Variants in FTO observed in about 807,000 individuals in gnomAD.
FTO encodes alpha-ketoglutarate-dependent dioxygenase FTO.
Under a neutral mutation model 63.9 loss-of-function variants are expected in FTO, and 47 were observed. That is an observed-to-expected ratio of 0.74 (90% CI 0.58 to 0.94). FTO has a LOEUF of 0.94. Among genes scored for constraint, FTO ranks in the 40% least tolerant of loss-of-function variants. The pLI is 0.00. For synonymous variants in FTO, 207 were observed against 224.4 expected, an observed-to-expected ratio of 0.92 and a Z score of 0.69; for missense variants, 562 against 618.1, an observed-to-expected ratio of 0.91 and a Z score of 0.96.
intron 8 of FTO, among the ~76,000 whole-genome samples, chr16:54,037,129 A>G (rs1236611513): frequency 2.0e-5 from 3 of 152,180 alleles, no homozygotes; most frequent in African/African-American, 7.2e-5. Flanking sequence ...TTAGGATCTC[A>G]ATTCCAGATT....
At chr16:53,910,487 A>G (rs1270153538) in intron 7 of FTO, among the ~76,000 whole-genome samples, 1 of 152,148 alleles carries the variant, frequency 6.6e-6, no homozygotes, top group Non-Finnish European at 1.5e-5. Flanking sequence ...TGAGGTTCTG[A>G]ACCAGGGCAA....
intron 8 of FTO, chr16:54,071,685 T>C (rs1432301328): frequency 2.0e-5 from 3 of 152,146 alleles, no homozygotes; most frequent in Non-Finnish European, 2.9e-5. Context: ...ATCCTGGACA[T>C]TGATTTTTGA....
At chr16:54,053,320 C>T (rs370724098) in intron 8 of FTO, among the ~76,000 whole-genome samples, 56 of 152,284 alleles carry the variant, frequency 3.7e-4, no homozygotes, top group African/African-American at 1.3e-3. Context: ...TCTCCATGCC[C>T]GCTCCATGTC....
chr16:54,074,919 T>A (rs3956315), intron 8 of FTO, among the ~76,000 whole-genome samples: 14,722 of 94,756 alleles, frequency 0.16, 807 homozygotes, highest in Non-Finnish European at 0.24. Flanking sequence ...AGAGAGAGAG[T>A]GTGTGTGTGT....
chr16:54,063,366 A>G (rs1599301512), intron 8 of FTO, among the ~76,000 whole-genome samples: 1 of 152,198 alleles, frequency 6.6e-6, no homozygotes, highest in South Asian at 2.1e-4. Context: ...CTTTTCGTCA[A>G]TGAAAGAAAT....
intron 8 of FTO, chr16:53,992,581 A>T (rs1400484936): frequency 6.6e-6 from 1 of 152,000 alleles, no homozygotes; most frequent in Non-Finnish European, 1.5e-5. Context: ...TCTGTGTGTG[A>T]TTGCGTCCTG....
chr16:54,120,770 G>A lies in FTO; in HGVS notation c.*8855G>A, dbSNP rs1212813284. 2 of 152,192 alleles carry A rather than the reference G, an allele frequency of 1.3e-5. No homozygotes were observed. The highest frequency in any genetic ancestry group is 6.5e-5 in the Admixed American group (1 of 15,284). 9.4% of individuals were successfully genotyped at this position (152,192 alleles called of 1,614,324 possible). On this transcript the variant is annotated 3_prime_UTR_variant, in exon 9 of 9. Coordinates refer to ENST00000471389, the MANE Select transcript of FTO (RefSeq NM_001080432.3). Reference sequence around the variant, plus strand: ...CAGGTCACTTACAAGAACAGGAACAGCCCCTCCCTCCAAATTTGAGCCCAG... The same window carrying A: ...CAGGTCACTTACAAGAACAGGAACAACCCCTCCCTCCAAATTTGAGCCCAG...
At chr16:54,096,680 G>T (rs1302079346) in intron 8 of FTO, among the ~76,000 whole-genome samples, 1 of 152,164 alleles carries the variant, frequency 6.6e-6, no homozygotes, top group Admixed American at 6.5e-5. Flanking sequence ...CAGTTTAGTT[G>T]AAAAGTGTTG....
chr16:53,985,166 A>T (rs2083637385), intron 8 of FTO, among the ~76,000 whole-genome samples: 1 of 152,228 alleles, frequency 6.6e-6, no homozygotes, highest in Admixed American at 6.5e-5. Context: ...TTTATAAAAT[A>T]CAAATGAAAT....
At chr16:53,815,647 T>TG (rs2078657957) in intron 2 of FTO, among the ~76,000 whole-genome samples, 1 of 42,062 alleles carries the variant, frequency 2.4e-5, no homozygotes, top group Admixed American at 2.0e-4. Context: ...TTTTTTTTTT[T>TG]TTTTTTTTTT....
intron 8 of FTO, among the ~76,000 whole-genome samples, chr16:53,948,164 G>A (rs762606130): frequency 3.9e-5 from 6 of 152,170 alleles, no homozygotes; most frequent in Non-Finnish European, 8.8e-5. Context: ...TGTACGAAGA[G>A]TGCCTCAGAT....
At chr16:53,817,185 TTGAATGAA>T (rs575969069) in intron 2 of FTO, among the ~76,000 whole-genome samples, 10 of 152,248 alleles carry the variant, frequency 6.6e-5, no homozygotes, top group Non-Finnish European at 1.0e-4. Context: ...AAATGAAGTA[TTGAATGAA>T]TGAATGAATG....
intron 8 of FTO, chr16:54,070,530 A>G (rs1452261345): frequency 4.6e-5 from 7 of 152,124 alleles, no homozygotes; most frequent in Non-Finnish European, 1.0e-4. Flanking sequence ...CTGGAAACCT[A>G]TCAGGAATCT....
At chr16:53,918,664 A>G (rs1250340972) in intron 7 of FTO, among the ~76,000 whole-genome samples, 1 of 152,170 alleles carries the variant, frequency 6.6e-6, no homozygotes, top group Non-Finnish European at 1.5e-5. Flanking sequence ...CCCCTTGGTC[A>G]TCCTCCACCC....
intron 1 of FTO, among the ~76,000 whole-genome samples, chr16:53,784,147 A>T (rs2077669738): frequency 6.6e-6 from 1 of 152,226 alleles, no homozygotes; most frequent in Non-Finnish European, 1.5e-5. Context: ...TTGATATTCT[A>T]TATTCATAGC....
At chr16:53,980,623 A>G (rs1350704160) in intron 8 of FTO, among the ~76,000 whole-genome samples, 1 of 152,214 alleles carries the variant, frequency 6.6e-6, no homozygotes, top group Admixed American at 6.5e-5. Flanking sequence ...TTAGGATCCA[A>G]AAAGCTGTAT....
rs576696820 is a variant in FTO, at chr16:53,886,483, C to T, written c.1120-2349C>T. Among the ~76,000 whole-genome samples the T allele has an allele frequency of 3.9e-4, 60 of 152,276 alleles. 1 individual carries two copies. The South Asian group carries it at 0.012, about 29-fold the overall frequency. ...TCTTGAAGTAAGTATGTTGTTAAAC[C>T]AGTATCTTCACAGAAGTTGAACCAC... On this transcript the variant is annotated intron_variant, in intron 6 of 8. Transcript: ENST00000471389.
chr16:53,766,408 T>C (rs2077203854), intron 1 of FTO, among the ~76,000 whole-genome samples: 1 of 152,064 alleles, frequency 6.6e-6, no homozygotes, highest in African/African-American at 2.4e-5. Context: ...TCGTTATCCG[T>C]GAAGATGCCT....
chr16:54,044,151 A>G (rs1323524571), intron 8 of FTO, among the ~76,000 whole-genome samples: 1 of 73,052 alleles, frequency 1.4e-5, no homozygotes, highest in Non-Finnish European at 2.2e-5. Flanking sequence ...CAATTAAAAG[A>G]CACAGACTGG....
Sources: gnomAD v4.1 joint callset for allele counts (sites outside exome capture counted in the v4.1 genomes callset) on GRCh38, gnomAD v4.1.1 for gene constraint, MANE v1.5 for transcripts, NCBI Gene and HGNC (gene_info 2026-07-23, HGNC 2026-07-21) for gene names.